The following FNDC11 variants were observed in gnomAD, a reference collection of about 807,000 sequenced individuals.
FNDC11 encodes the protein fibronectin type III domain-containing protein 11.
FNDC11 carries 15 observed loss-of-function variants against 15.8 expected under a neutral mutation model. The observed-to-expected ratio is 0.95, with a 90% CI of 0.63 to 1.46. The LOEUF is 1.46. FNDC11 is among the 40% of genes most tolerant of loss of function. The probability of loss-of-function intolerance (pLI) is 0.00; values close to 1 mark genes in which losing one functional copy is unlikely to be tolerated. For synonymous variants in FNDC11, 190 were observed against 203.1 expected (o/e 0.94, Z 0.55); for missense variants, 416 against 443.4 (o/e 0.94, Z 0.55).
intron 1 of FNDC11, chr20:63,555,445 A>G: frequency 1.4e-6 from 1 of 712,120 alleles, no homozygotes; most frequent in Non-Finnish European, 2.2e-6. Context: ...ACTGGTTGTC[A>G]GTAGAGGTTT....
Position 63,556,086 on chromosome 20 carries a change from T to G in FNDC11, c.423T>G (p.Asp141Glu). 6.3e-7 allele frequency: 1 copy of G among 1,596,964 alleles called. No homozygotes were observed. The highest frequency in any genetic ancestry group is 8.5e-7 in the Non-Finnish European group (1 of 1,177,194). Reference protein sequence around the residue: ...EQLDHGRAELDALLRSPDPRP... With the variant: ...EQLDHGRAELEALLRSPDPRP... ...TCGACCATGGCCGTGCTGAGCTGGA[T>G]GCCCTGCTCCGGTCGCCAGACCCAC... Residue 141 changes from aspartate (D) to glutamate (E), a missense_variant, in exon 2 of 2, where the codon GAT becomes GAG. Transcript: ENST00000370097.
chr20:63,556,685 A>G lies in FNDC11; in HGVS notation c.*65A>G. Reference sequence around the variant, plus strand: ...TGTAAATGCACATATGGAATTAAAGAAGCAAACCTATTTATGTTTTAAAGG... The same window carrying G: ...TGTAAATGCACATATGGAATTAAAGGAGCAAACCTATTTATGTTTTAAAGG... On this transcript the variant is annotated 3_prime_UTR_variant, in exon 2 of 2. Coordinates refer to ENST00000370097, the MANE Select transcript of FNDC11 (RefSeq NM_001319152.2). The G allele has an allele frequency of 7.0e-7, 1 of 1,432,556 alleles. No homozygotes were observed. Among genetic ancestry groups the G allele is most frequent in the Non-Finnish European group, 9.6e-7 (1 of 1,045,328 alleles). 88.7% of individuals were successfully genotyped at this position (1,432,556 alleles called of 1,614,324 possible).
chr20:63,555,793 C>CG lies in FNDC11; in HGVS notation c.131dup (p.Arg45ProfsTer6), dbSNP rs758448112. ...AGAGGCGTGGAAGACCTACACCGAGCGCCGCAATGCCCTGCGTGAGTTCCT... is the reference window on the plus strand; with the variant it reads ...AGAGGCGTGGAAGACCTACACCGAGCGGCCGCAATGCCCTGCGTGAGTTCCT... On this transcript the variant is annotated frameshift_variant, in exon 2 of 2. Coordinates refer to ENST00000370097, the MANE Select transcript of FNDC11 (RefSeq NM_001319152.2). LOFTEE classifies it high-confidence loss of function. 6.2e-7 allele frequency: 1 copy of CG among 1,613,526 alleles called. No homozygotes were observed. Among genetic ancestry groups the CG allele is most frequent in the Admixed American group, 1.7e-5 (1 of 60,028 alleles).
chr20:63,556,450 G>T lies in FNDC11; in HGVS notation c.787G>T (p.Val263Leu). 6.2e-7 allele frequency: 1 copy of T among 1,613,448 alleles called. No individual in the cohort carries two copies. The highest frequency in any genetic ancestry group is 8.5e-7 in the Non-Finnish European group (1 of 1,180,016). Residue 263 changes from valine (V) to leucine (L), a missense_variant, in exon 2 of 2, where the codon GTG becomes TTG. Physicochemically the swap from Val to Leu is conservative, Grantham distance 32 (BLOSUM62 1). Coordinates refer to ENST00000370097, the MANE Select transcript of FNDC11 (RefSeq NM_001319152.2). Reference sequence around the variant, plus strand: ...GTGCGCCCAGTGTGGCGTCATCCCCGTGGCTGCCTGCACCTTCGACGTCCG... The same window carrying T: ...GTGCGCCCAGTGTGGCGTCATCCCCTTGGCTGCCTGCACCTTCGACGTCCG... ...QECAQCGVIP[V>L]AACTFDVRNL...
rs1218582818 is a variant in FNDC11, at chr20:63,556,330, TG to T, written c.670del (p.Ala224ProfsTer98). On this transcript the variant is annotated frameshift_variant, in exon 2 of 2. Transcript: ENST00000370097. LOFTEE classifies it high-confidence loss of function. ...DRKASAAHQD[W>X]ARLRWFVTIQ... Reference sequence around the variant, plus strand: ...AAAGGCGTCGGCGGCTCACCAGGACTGGGCCCGGCTGCGCTGGTTCGTCACC... The same window carrying T: ...AAAGGCGTCGGCGGCTCACCAGGACTGGCCCGGCTGCGCTGGTTCGTCACC... 1.2e-6 allele frequency: 2 copies of T among 1,610,792 alleles called. No homozygotes were observed. Among genetic ancestry groups the T allele is most frequent in the Non-Finnish European group, 1.7e-6 (2 of 1,178,466 alleles).
In FNDC11 at chr20:63,556,237, G is replaced by C; in HGVS notation, c.574G>C (p.Val192Leu). ...LHVKHRLVSD[V>L]SATKIPHIWL... The stretch of plus-strand genomic sequence containing the variant: ...CGTCAAGCACCGCCTGGTGTCTGAT[G>C]TCAGTGCCACCAAGATCCCGCACAT... The change falls in exon 2 of 2, where the codon GTC becomes CTC. Residue 192 changes from valine (V) to leucine (L), a missense_variant. Physicochemically the swap from Val to Leu is conservative, Grantham distance 32. Transcript: ENST00000370097. The C allele has an allele frequency of 6.3e-7, 1 of 1,594,052 alleles. No individual in the cohort carries two copies. The highest frequency in any genetic ancestry group is 2.2e-5 in the East Asian group (1 of 44,448).
chr20:63,556,205 G>T lies in FNDC11; in HGVS notation c.542G>T (p.Arg181Leu). 6.3e-7 allele frequency: 1 copy of T among 1,596,350 alleles called. No individual in the cohort carries two copies. Among genetic ancestry groups the T allele is most frequent in the East Asian group, 2.2e-5 (1 of 44,506 alleles). ...TTCCTGACCATGATGGTGCCGGGGC[G>T]GCTACACGTCAAGCACCGCCTGGTG... ...DSFLTMMVPG[R>L]LHVKHRLVSD... is the part of the protein sequence containing the mutation. The change falls in exon 2 of 2, where the codon CGG (arginine) becomes CTG (leucine). Residue 181 changes from arginine (R) to leucine (L), a missense_variant. By Grantham distance (102) the Arg-to-Leu change is moderately radical. Transcript: ENST00000370097.
At position 63,556,323 on chromosome 20, in the gene FNDC11, C is replaced by T. The variant is rs1450151445; in HGVS notation, c.660C>T (p.His220=). 7.5e-6 allele frequency: 12 copies of T among 1,609,134 alleles called. No homozygotes were observed. The highest frequency in any genetic ancestry group is 1.0e-5 in the Non-Finnish European group (12 of 1,176,866). The part of the protein sequence containing the change: ...VVFDRKASAA[H]QDWARLRWFV... ...TTGACCGAAAGGCGTCGGCGGCTCA[C>T]CAGGACTGGGCCCGGCTGCGCTGGT... The change falls in exon 2 of 2, where the codon CAC becomes CAT. Residue 220 remains histidine, a synonymous_variant. Transcript: ENST00000370097.
Position 63,555,861 on chromosome 20 carries a change from C to G in FNDC11, c.198C>G (p.Ala66=), listed in dbSNP as rs577019700. Residue 66 remains alanine (A), a synonymous_variant, in exon 2 of 2, where the codon GCC becomes GCG. Transcript: ENST00000370097. ...CGCACCTGCTCAAGCGCCACCACGC[C>G]CGCATGCAGCTGCTGCGTAAGTGCT... ...LSPHLLKRHH[A]RMQLLRKCSY... is the part of the protein sequence containing the mutation. 1.2e-6 allele frequency: 2 copies of G among 1,612,928 alleles called. No individual in the cohort carries two copies. Among genetic ancestry groups the G allele is most frequent in the South Asian group, 2.2e-5 (2 of 91,074 alleles).
Position 63,556,231 on chromosome 20 carries a change from T to C in FNDC11, c.568T>C (p.Ser190Pro). 3 of 1,594,236 alleles carry C rather than the reference T, an allele frequency of 1.9e-6. No individual in the cohort carries two copies. Among genetic ancestry groups the C allele is most frequent in the Non-Finnish European group, 2.6e-6 (3 of 1,166,414 alleles). ...GCTACACGTCAAGCACCGCCTGGTG[T>C]CTGATGTCAGTGCCACCAAGATCCC... ...GRLHVKHRLV[S>P]DVSATKIPHI... Residue 190 changes from serine to proline, a missense_variant, in exon 2 of 2, where the codon TCT becomes CCT. Ser to Pro is a moderately conservative substitution (Grantham distance 74). Coordinates refer to ENST00000370097, the MANE Select transcript of FNDC11 (RefSeq NM_001319152.2).
At chr20:63,555,310 C>T (rs894935656) in intron 1 of FNDC11, 4 of 287,788 alleles carry the variant, frequency 1.4e-5, no homozygotes, top group South Asian at 6.2e-5. Flanking sequence ...TCCACGGCCC[C>T]GAGGGGTGCC....
upstream of FNDC11, chr20:63,553,839 A>G (rs536212383): frequency 1.3e-5 from 2 of 151,968 alleles, no homozygotes; most frequent in African/African-American, 4.8e-5. Flanking sequence ...GTGCGCTCGG[A>G]CTGGGGGGTT....
Position 63,556,501 on chromosome 20 carries a change from A to G in FNDC11, c.838A>G (p.Lys280Glu). The G allele has an allele frequency of 6.2e-7, 1 of 1,605,780 alleles. No individual in the cohort carries two copies. The highest frequency in any genetic ancestry group is 8.5e-7 in the Non-Finnish European group (1 of 1,176,560). The change falls in exon 2 of 2, where the codon AAG becomes GAG. Residue 280 changes from lysine to glutamate, a missense_variant. Transcript: ENST00000370097. ...AAACCTGCTGCCCAACCGATCCTAT[A>G]AGTTCACCATCAAGAGGGCCGAGAC... ...VRNLLPNRSY[K>E]FTIKRAETST... is the part of the protein sequence containing the mutation.
chr20:63,555,604 C>T, intron 1 of FNDC11, 50 bp from the exon 2 acceptor site: 2 of 1,537,708 alleles, frequency 1.3e-6, no homozygotes, highest in Non-Finnish European at 1.8e-6. Context: ...CATGCCACAG[C>T]CCAGGGGAGG....
Position 63,556,424 on chromosome 20 carries a change from A to C in FNDC11, c.761A>C (p.Glu254Ala), listed in dbSNP as rs904603314. ...FRLLDPRTQQ[E>A]CAQCGVIPVA... ...CTGCTGGACCCGCGGACACAGCAGG[A>C]GTGCGCCCAGTGTGGCGTCATCCCC... The change falls in exon 2 of 2, where the codon GAG (glutamate) becomes GCG (alanine). Residue 254 changes from glutamate (E) to alanine (A), a missense_variant. By Grantham distance (107) the Glu-to-Ala change is moderately radical. Transcript: ENST00000370097. 8 of 1,613,336 alleles carry C rather than the reference A, an allele frequency of 5.0e-6. No homozygotes were observed. The highest frequency in any genetic ancestry group is 6.8e-6 in the Non-Finnish European group (8 of 1,180,034).
At chr20:63,554,670 C>T (rs2082790780) in intron 1 of FNDC11, 1 of 152,308 alleles carries the variant, frequency 6.6e-6, no homozygotes, top group African/African-American at 2.4e-5. Flanking sequence ...GGAGTGCGCT[C>T]GTGAAGTCAT....
chr20:63,553,547 T>TG (rs1330249377), upstream of FNDC11, among the ~76,000 whole-genome samples: 9 of 47,374 alleles, frequency 1.9e-4, no homozygotes, highest in Admixed American at 7.1e-4. Context: ...GGGGCCGTGG[T>TG]GGGGGGAGCC....
chr20:63,555,666 GAGC>G lies in FNDC11; in HGVS notation c.5_7del (p.Ser2del), dbSNP rs1331576675. The G allele has an allele frequency of 1.2e-6, 2 of 1,600,062 alleles. No individual in the cohort carries two copies. Among genetic ancestry groups the G allele is most frequent in the Non-Finnish European group, 8.5e-7 (1 of 1,170,808 alleles). On this transcript the variant is annotated inframe_deletion, in exon 2 of 2. Coordinates refer to ENST00000370097, the MANE Select transcript of FNDC11 (RefSeq NM_001319152.2). ...GCCCTCCCCCCAGCTCCCGGATAAT[GAGC>G]ACCCATGTGGCAGGCCTGGGCCTGG...
rs374119219 is a variant in FNDC11, at chr20:63,555,473, CTG to C, written c.-10-177_-10-176del. ...AGAGGTTTTTGCCCCTCAGTATAAACTGTGTCCAGATCTGTAGGCTGCCCATC... is the reference window on the plus strand; with the variant it reads ...AGAGGTTTTTGCCCCTCAGTATAAACTGTCCAGATCTGTAGGCTGCCCATC... On this transcript the variant is annotated intron_variant, in intron 1 of 1. Coordinates refer to ENST00000370097, the MANE Select transcript of FNDC11 (RefSeq NM_001319152.2). The C allele has an allele frequency of 7.4e-4, 733 of 989,956 alleles. 8 individuals are homozygous for C. The African/African-American group carries it at 0.011, about 15-fold the overall frequency. The allele number at this position is 989,956 out of a possible 1,614,324, so 61.3% of individuals were successfully genotyped here. A position where few individuals can be genotyped will look rare whatever the true frequency, so the allele number is the denominator to read the frequency against.
Sources: allele counts gnomAD v4.1 joint callset (sites outside exome capture counted in the v4.1 genomes callset), GRCh38; gene constraint gnomAD v4.1.1; transcripts MANE v1.5; gene names NCBI Gene and HGNC (gene_info 2026-07-23, HGNC 2026-07-21).